GPR137C: variants seen among roughly 807,000 people sequenced by gnomAD.
GPR137C encodes integral membrane protein GPR137C.
In GPR137C, 27 loss-of-function variants were observed where a neutral mutation model predicts 43.4. The ratio of observed to expected loss-of-function variants is 0.62; its 90% CI spans 0.46 to 0.86. The LOEUF is 0.86. Ranked by LOEUF, GPR137C falls within the 40% of genes least tolerant of loss-of-function variation. The pLI is 0.00. For synonymous variants in GPR137C, 285 were observed against 226.9 expected, an observed-to-expected ratio of 1.26 and a Z score of -2.30; for missense variants, 522 against 534.6, an observed-to-expected ratio of 0.98 and a Z score of 0.23.
In GPR137C at chr14:52,608,982, G is replaced by A. The variant is rs75861654; in HGVS notation, c.717+8641G>A. Among the ~76,000 whole-genome samples, 743 of 152,184 alleles carry A rather than the reference G, an allele frequency of 4.9e-3. 4 individuals carry two copies. Among genetic ancestry groups the A allele is most frequent in the African/African-American group, 0.015 (615 of 41,532 alleles). On this transcript the variant is annotated intron_variant, in intron 3 of 6. Coordinates refer to ENST00000321662, the MANE Select transcript of GPR137C (RefSeq NM_001099652.2). Reference sequence around the variant, plus strand: ...TATTTGTATCTTTCTCCAGGTTTGGGAAGTTTTCTGTTATTATTTCTTCAA... The same window carrying A: ...TATTTGTATCTTTCTCCAGGTTTGGAAAGTTTTCTGTTATTATTTCTTCAA...
At chr14:52,615,620 T>C (rs1424519245) in intron 3 of GPR137C, among the ~76,000 whole-genome samples, 1 of 152,192 alleles carries the variant, frequency 6.6e-6, no homozygotes, top group Non-Finnish European at 1.5e-5. Context: ...ATTTATTTGG[T>C]GTCCTCTTCA....
intron 3 of GPR137C, among the ~76,000 whole-genome samples, chr14:52,628,124 A>G (rs2039250867): frequency 6.6e-6 from 1 of 152,218 alleles, no homozygotes; most frequent in Admixed American, 6.5e-5. Flanking sequence ...GTATAAAGCT[A>G]CAATAATTAA....
In GPR137C at chr14:52,606,495, A is replaced by G. The variant is rs190478447; in HGVS notation, c.717+6154A>G. On this transcript the variant is annotated intron_variant, in intron 3 of 6. Transcript: ENST00000321662. ...TGTGTCACCCAGGCTGGAGTGGGCA[A>G]TGGTGTGATCTCAGCTCACTACAGC... 4.6e-3 allele frequency among the ~76,000 whole-genome samples: 703 copies of G among 152,136 alleles called. 7 individuals are homozygous for G. The highest frequency in any genetic ancestry group is 0.016 in the African/African-American group (653 of 41,524).
intron 1 of GPR137C, among the ~76,000 whole-genome samples, chr14:52,570,761 G>A (rs896448613): frequency 5.9e-5 from 9 of 152,132 alleles, no homozygotes; most frequent in African/African-American, 1.4e-4. Flanking sequence ...ATTACATAAC[G>A]CTAAAGGGAT....
intron 1 of GPR137C, among the ~76,000 whole-genome samples, chr14:52,583,094 G>T (rs2038668829): frequency 1.3e-5 from 2 of 151,532 alleles, no homozygotes; most frequent in South Asian, 2.1e-4. Flanking sequence ...GTTTTTTCTG[G>T]TATTAAGAAA....
chr14:52,574,675 C>T (rs574404000), intron 1 of GPR137C, among the ~76,000 whole-genome samples: 137 of 152,292 alleles, frequency 9.0e-4, no homozygotes, highest in African/African-American at 2.7e-3. Context: ...AACAAACTTG[C>T]ACGTTCTGCA....
chr14:52,564,351 A>G (rs944814422), intron 1 of GPR137C, among the ~76,000 whole-genome samples: 2 of 151,224 alleles, frequency 1.3e-5, no homozygotes, highest in African/African-American at 2.4e-5. Flanking sequence ...AGAGAGTTCT[A>G]TGTATACTAC....
At chr14:52,600,895 A>C (rs2038916225) in intron 3 of GPR137C, among the ~76,000 whole-genome samples, 1 of 152,204 alleles carries the variant, frequency 6.6e-6, no homozygotes. Flanking sequence ...GATGTCATAT[A>C]GGTAAAAGTG....
chr14:52,553,190 G>A lies in GPR137C; in HGVS notation c.43G>A (p.Ala15Thr). The change falls in exon 1 of 7, where the codon GCA becomes ACA. Residue 15 changes from alanine to threonine, a missense_variant. By Grantham distance (58) the Ala-to-Thr change is moderately conservative (BLOSUM62 0). Transcript: ENST00000321662. ...VPGPAAAAAP[A>T]AGREPSTPGG... is the part of the protein sequence containing the mutation. ...GGGTCCGGCGGCCGCTGCCGCCCCC[G>A]CAGCCGGCCGCGAGCCCTCCACGCC... 1 of 1,205,390 alleles carries A rather than the reference G, an allele frequency of 8.3e-7. No homozygotes were observed. Among genetic ancestry groups the A allele is most frequent in the Non-Finnish European group, 1.0e-6 (1 of 972,194 alleles). 74.7% of individuals were successfully genotyped at this position (1,205,390 alleles called of 1,614,324 possible). A position where few individuals can be genotyped will look rare whatever the true frequency, so the allele number is the denominator to read the frequency against.
Position 52,636,995 on chromosome 14 carries a change from G to T in GPR137C, c.*1880G>T, listed in dbSNP as rs117649886. 6 of 152,178 alleles carry T rather than the reference G, an allele frequency of 3.9e-5. No individual in the cohort carries two copies. The East Asian group carries it at 1.2e-3, about 29-fold the overall frequency. 9.4% of individuals were successfully genotyped at this position (152,178 alleles called of 1,614,324 possible). Reference sequence around the variant, plus strand: ...TCTTTGTTAATCCTTGGGGTTCAAGGTGATAAAGTTTTTCTAGTAAGGCTC... The same window carrying T: ...TCTTTGTTAATCCTTGGGGTTCAAGTTGATAAAGTTTTTCTAGTAAGGCTC... On this transcript the variant is annotated 3_prime_UTR_variant, in exon 7 of 7. Coordinates refer to ENST00000321662, the MANE Select transcript of GPR137C (RefSeq NM_001099652.2).
At chr14:52,562,309 G>A (rs1349934460) in intron 1 of GPR137C, among the ~76,000 whole-genome samples, 1 of 152,098 alleles carries the variant, frequency 6.6e-6, no homozygotes, top group East Asian at 1.9e-4. Flanking sequence ...AATAATACCT[G>A]CCTCATAGAA....
intron 1 of GPR137C, among the ~76,000 whole-genome samples, chr14:52,574,491 C>G (rs931975518): frequency 6.6e-6 from 1 of 152,106 alleles, no homozygotes; most frequent in Non-Finnish European, 1.5e-5. Flanking sequence ...ACTGCACATT[C>G]TCATAGGTGG....
chr14:52,553,493 C>G lies in GPR137C; in HGVS notation c.346C>G (p.Pro116Ala), dbSNP rs757178604. 7.5e-6 allele frequency: 12 copies of G among 1,608,910 alleles called. No homozygotes were observed. In the Admixed American group the frequency reaches 1.3e-4, roughly 18 times the overall value. The part of the protein sequence containing the change: ...LSGSLPLLRP[P>A]AHLHFFPHWL... ...CGGCTCCCTGCCCTTGCTCCGGCCGCCCGCTCACCTGCACTTCTTCCCCCA... is the reference window on the plus strand; with the variant it reads ...CGGCTCCCTGCCCTTGCTCCGGCCGGCCGCTCACCTGCACTTCTTCCCCCA... The change falls in exon 1 of 7, where the codon CCC becomes GCC. Residue 116 changes from proline to alanine, a missense_variant. By Grantham distance (27) the Pro-to-Ala change is conservative (BLOSUM62 -1). Around this residue, in one of 3 missense-constraint regions of GPR137C, gnomAD observed 437 missense variants for 425.7 expected, o/e 1.03. Transcript: ENST00000321662.
At position 52,592,480 on chromosome 14, in the gene GPR137C, ATTTG is replaced by A. The variant is rs2038797252; in HGVS notation, c.445-5786_445-5783del. Among the ~76,000 whole-genome samples, 8 of 152,182 alleles carry A rather than the reference ATTTG, an allele frequency of 5.3e-5. No individual in the cohort carries two copies. The South Asian group carries it at 1.7e-3, about 32-fold the overall frequency. ...ATCCATGAGCATGGAATGTTCTTCC[ATTTG>A]TTTGTGTCCTCTTTTATTTCATTGA... is the stretch of plus-strand genomic sequence containing the variant. On this transcript the variant is annotated intron_variant, in intron 1 of 6. Coordinates refer to ENST00000321662, the MANE Select transcript of GPR137C (RefSeq NM_001099652.2).
intron 1 of GPR137C, among the ~76,000 whole-genome samples, chr14:52,586,539 GT>G (rs1259216869): frequency 1.3e-5 from 2 of 152,162 alleles, no homozygotes; most frequent in African/African-American, 4.8e-5. Flanking sequence ...CTACTCTGCT[GT>G]TTTCTATGAC....
intron 3 of GPR137C, among the ~76,000 whole-genome samples, chr14:52,623,941 G>A (rs144408765): frequency 3.9e-5 from 6 of 152,106 alleles, no homozygotes; most frequent in East Asian, 1.9e-4. Flanking sequence ...TGTGACTACT[G>A]TTCATTTTCA....
chr14:52,599,495 G>A (rs891300393), intron 2 of GPR137C, among the ~76,000 whole-genome samples: 7 of 148,436 alleles, frequency 4.7e-5, no homozygotes, highest in African/African-American at 1.5e-4. Context: ...GTGCAGTGGC[G>A]CTGTCTTGGC....
At chr14:52,567,949 C>T (rs867407199) in intron 1 of GPR137C, among the ~76,000 whole-genome samples, 1 of 152,108 alleles carries the variant, frequency 6.6e-6, no homozygotes, top group Non-Finnish European at 1.5e-5. Flanking sequence ...TGAGCCACCG[C>T]GCCTGGCTGA....
chr14:52,611,747 G>C, intron 3 of GPR137C: 1 of 358,614 alleles, frequency 2.8e-6, no homozygotes, highest in Non-Finnish European at 3.9e-6. Context: ...TTAAATCAGA[G>C]ATCTGCCATT....
Sources: gnomAD v4.1 joint callset for allele counts (sites outside exome capture counted in the v4.1 genomes callset) on GRCh38, gnomAD v4.1.1 for gene constraint, gnomAD v4.1.1 regional missense constraint, MANE v1.5 for transcripts, NCBI Gene and HGNC (gene_info 2026-07-23, HGNC 2026-07-21) for gene names.